POU2AF2: variants seen among roughly 807,000 people sequenced by gnomAD.
The protein encoded by POU2AF2 is POU domain class 2-associating factor 2.
the POU2AF2 span, among the ~76,000 whole-genome samples, chr11:111,276,451 AAAATATATATATAT>A: frequency 0.31 from 12,875 of 41,956 alleles, 1,255 homozygotes; most frequent in South Asian, 0.52. Flanking sequence ...AAAAAAAAAA[AAAATATATATATAT>A]ATATATATAT....
the POU2AF2 span, among the ~76,000 whole-genome samples, chr11:111,277,232 G>A: frequency 6.6e-6 from 1 of 152,168 alleles, no homozygotes; most frequent in Non-Finnish European, 1.5e-5. Context: ...TTCCACAGCA[G>A]GTAGAGAACA....
the POU2AF2 span, among the ~76,000 whole-genome samples, chr11:111,282,072 T>C: frequency 3.5e-4 from 54 of 152,252 alleles, no homozygotes; most frequent in African/African-American, 1.3e-3. Context: ...TATAGTGCCA[T>C]TGAAATTTGG....
chr11:111,268,492 A>T, the POU2AF2 span, among the ~76,000 whole-genome samples: 441 of 30,322 alleles, frequency 0.015, 27 homozygotes, highest in Non-Finnish European at 0.032. Context: ...ATTTTATTTT[A>T]TTTTATTTTA....
the POU2AF2 span, among the ~76,000 whole-genome samples, chr11:111,249,332 A>G: frequency 2.8e-4 from 42 of 152,360 alleles, no homozygotes; most frequent in South Asian, 8.5e-3. Flanking sequence ...AGAAGGTGGG[A>G]GGTAGGATAA....
chr11:111,264,504 GAAAGAAAGA>G, the POU2AF2 span, among the ~76,000 whole-genome samples: 1 of 14,182 alleles, frequency 7.1e-5, no homozygotes, highest in African/African-American at 2.3e-4. Flanking sequence ...AAGAAAGAAA[GAAAGAAAGA>G]AAGAAAGAAA....
the POU2AF2 span, among the ~76,000 whole-genome samples, chr11:111,261,575 A>G: frequency 2.6e-4 from 40 of 151,908 alleles, 1 homozygote; most frequent in African/African-American, 9.4e-4. Context: ...ATGAGGGGGG[A>G]AAAATGTAAA....
chr11:111,282,344 G>A, the POU2AF2 span, among the ~76,000 whole-genome samples: 1 of 152,158 alleles, frequency 6.6e-6, no homozygotes, highest in African/African-American at 2.4e-5. Context: ...TTAAGGTTCA[G>A]CTGCACAGAT....
the POU2AF2 span, among the ~76,000 whole-genome samples, chr11:111,275,831 TAAAA>T: frequency 6.6e-6 from 1 of 151,834 alleles, no homozygotes; most frequent in Non-Finnish European, 1.5e-5. Flanking sequence ...TTTATAGAAA[TAAAA>T]AAATATAAAA....
the POU2AF2 span, chr11:111,284,482 C>G: frequency 7.6e-7 from 1 of 1,322,180 alleles, no homozygotes; most frequent in South Asian, 1.5e-5. Flanking sequence ...TCTGGCTCAC[C>G]CTGTAGACTC....
the POU2AF2 span, among the ~76,000 whole-genome samples, chr11:111,272,429 A>G: frequency 6.6e-6 from 1 of 152,214 alleles, no homozygotes; most frequent in African/African-American, 2.4e-5. Flanking sequence ...ATAACAATCT[A>G]TCTCATTGGT....
chr11:111,264,944 G>A, the POU2AF2 span, among the ~76,000 whole-genome samples: 4 of 138,578 alleles, frequency 2.9e-5, no homozygotes, highest in Non-Finnish European at 6.2e-5. Flanking sequence ...AAGAGGGAGG[G>A]AGGGAGGGAG....
chr11:111,248,801 T>G, the POU2AF2 span, among the ~76,000 whole-genome samples: 12 of 152,228 alleles, frequency 7.9e-5, no homozygotes, highest in African/African-American at 2.4e-5. Flanking sequence ...GTGCTTTAAG[T>G]GCCATAAGTG....
the POU2AF2 span, among the ~76,000 whole-genome samples, chr11:111,276,449 AAAAAATATATATATAT>A: frequency 3.8e-4 from 19 of 49,732 alleles, 2 homozygotes; most frequent in African/African-American, 9.2e-4. Context: ...GAAAAAAAAA[AAAAAATATATATATAT>A]ATATATATAT....
the POU2AF2 span, among the ~76,000 whole-genome samples, chr11:111,251,613 T>A: frequency 6.6e-6 from 1 of 152,370 alleles, no homozygotes; most frequent in East Asian, 1.9e-4. Flanking sequence ...AGATGCCTGC[T>A]GTCTACAAGG....
chr11:111,279,503 G>C, the POU2AF2 span, among the ~76,000 whole-genome samples: 2 of 152,194 alleles, frequency 1.3e-5, no homozygotes, highest in Non-Finnish European at 2.9e-5. Context: ...GCTGGCAGTT[G>C]TCACTGGTGA....
At chr11:111,269,162 C>T in the POU2AF2 span, among the ~76,000 whole-genome samples, 68 of 151,592 alleles carry the variant, frequency 4.5e-4, no homozygotes, top group African/African-American at 1.5e-3. Flanking sequence ...CTTGTTAACA[C>T]GGCCAGCTAA....
the POU2AF2 span, among the ~76,000 whole-genome samples, chr11:111,254,730 T>C: frequency 6.6e-6 from 1 of 152,236 alleles, no homozygotes; most frequent in Admixed American, 6.5e-5. Flanking sequence ...AAATATATTC[T>C]GGACTATCTA....
the POU2AF2 span, among the ~76,000 whole-genome samples, chr11:111,255,061 G>T: frequency 1.3e-5 from 2 of 152,120 alleles, no homozygotes; most frequent in East Asian, 1.9e-4. Flanking sequence ...CAGTAATAAG[G>T]TTCTCACTAT....
At chr11:111,281,022 C>T in the POU2AF2 span, among the ~76,000 whole-genome samples, 40,530 of 152,072 alleles carry the variant, frequency 0.27, 5,711 homozygotes, top group Admixed American at 0.34. Context: ...TAGGAACCCA[C>T]TGGGGAGTCT....
Sources: allele counts gnomAD v4.1 joint callset (sites outside exome capture counted in the v4.1 genomes callset), GRCh38; gene constraint gnomAD v4.1.1; transcripts MANE v1.5; gene names NCBI Gene and HGNC (gene_info 2026-07-23, HGNC 2026-07-21).